Variants in PPP1R12A observed in about 807,000 individuals in gnomAD.
The protein encoded by PPP1R12A is protein phosphatase 1 regulatory subunit 12A, also known as myosin binding subunit.
A neutral mutation model predicts 139.6 loss-of-function variants in PPP1R12A; 19 were observed. The observed-to-expected ratio is 0.14, with a 90% CI of 0.09 to 0.20. The LOEUF (loss-of-function observed/expected upper bound fraction) is 0.20. Among genes scored for constraint, PPP1R12A ranks in the 10% least tolerant of loss-of-function variants. PPP1R12A has a pLI of 1.00. For missense variants in PPP1R12A, 925 were observed against 1,211.5 expected (o/e 0.76, Z 3.51); for synonymous variants, 427 against 420.6 (o/e 1.02, Z -0.19).
intron 2 of PPP1R12A, among the ~76,000 whole-genome samples, chr12:79,845,672 TA>T (rs1299363992): frequency 3.3e-5 from 5 of 152,040 alleles, no homozygotes. Context: ...CTGTCTCTAC[TA>T]AAAATACAAA....
intron 1 of PPP1R12A, among the ~76,000 whole-genome samples, chr12:79,910,548 T>TAA (rs5799446): frequency 0.16 from 24,498 of 149,824 alleles, 2,243 homozygotes; most frequent in Admixed American, 0.25. Flanking sequence ...ACTTTATTCT[T>TAA]AAAAAAAAAA....
chr12:79,928,573 TG>T (rs1888020502), intron 1 of PPP1R12A, among the ~76,000 whole-genome samples: 1 of 152,242 alleles, frequency 6.6e-6, no homozygotes, highest in African/African-American at 2.4e-5. Flanking sequence ...TATTTTACAC[TG>T]CACATTCTTT....
intron 5 of PPP1R12A, chr12:79,827,992 A>G (rs968743372): frequency 6.2e-6 from 1 of 161,798 alleles, no homozygotes; most frequent in African/African-American, 2.4e-5. Flanking sequence ...TTCACATAGG[A>G]ATGCAACGTT....
intron 1 of PPP1R12A, among the ~76,000 whole-genome samples, chr12:79,908,742 T>A (rs1396540480): frequency 6.6e-6 from 1 of 152,180 alleles, no homozygotes; most frequent in East Asian, 1.9e-4. Flanking sequence ...TGGTGTTAGA[T>A]TTTAGTCATT....
At chr12:79,832,804 A>ATT (rs200011991) in intron 3 of PPP1R12A, among the ~76,000 whole-genome samples, 3 of 150,126 alleles carry the variant, frequency 2.0e-5, no homozygotes, top group Admixed American at 6.7e-5. Context: ...TTTGGGCTAA[A>ATT]TTTTTTTTTT....
intron 20 of PPP1R12A, 89 bp downstream of exon 20, chr12:79,790,378 C>A: frequency 2.1e-6 from 2 of 952,604 alleles, no homozygotes; most frequent in South Asian, 2.3e-5. Context: ...ATTCTATAAA[C>A]TTACAAAATC....
chr12:79,917,834 G>A (rs1402279841), intron 1 of PPP1R12A, among the ~76,000 whole-genome samples: 3 of 152,122 alleles, frequency 2.0e-5, no homozygotes, highest in Non-Finnish European at 4.4e-5. Flanking sequence ...AGAGAAGTTA[G>A]AGATTGTTAA....
At chr12:79,845,871 C>T (rs963053088) in intron 2 of PPP1R12A, among the ~76,000 whole-genome samples, 5 of 10,526 alleles carry the variant, frequency 4.8e-4, no homozygotes, top group African/African-American at 6.5e-4. Context: ...CTATAATGTA[C>T]ACACGTTGCT....
At chr12:79,905,336 G>A (rs1176869368) in intron 1 of PPP1R12A, among the ~76,000 whole-genome samples, 1 of 47,040 alleles carries the variant, frequency 2.1e-5, no homozygotes, top group Non-Finnish European at 9.5e-5. Flanking sequence ...GTTTTGTTTT[G>A]CCGCCCCCCC....
intron 2 of PPP1R12A, among the ~76,000 whole-genome samples, chr12:79,855,055 C>A (rs143966616): frequency 1.2e-4 from 19 of 152,208 alleles, no homozygotes; most frequent in African/African-American, 4.1e-4. Flanking sequence ...ATGGCGCTAT[C>A]TCCGCTCACT....
At chr12:79,866,091 A>G (rs1881928677) in intron 2 of PPP1R12A, among the ~76,000 whole-genome samples, 1 of 152,198 alleles carries the variant, frequency 6.6e-6, no homozygotes, top group Non-Finnish European at 1.5e-5. Flanking sequence ...TACAGTAACC[A>G]AAACAGCATG....
intron 14 of PPP1R12A, among the ~76,000 whole-genome samples, chr12:79,802,810 G>A (rs938787269): frequency 1.3e-5 from 2 of 152,160 alleles, no homozygotes; most frequent in Non-Finnish European, 2.9e-5. Flanking sequence ...CAGATAGGGT[G>A]CATGCTATCA....
Position 79,935,042 on chromosome 12 carries a change from G to C in PPP1R12A, c.-111C>G. The C allele has an allele frequency of 2.1e-6, 3 of 1,416,080 alleles. No individual in the cohort carries two copies. Among genetic ancestry groups the C allele is most frequent in the Non-Finnish European group, 1.8e-6 (2 of 1,086,392 alleles). 87.7% of individuals were successfully genotyped at this position (1,416,080 alleles called of 1,614,324 possible). ...AATGTTTCTATGAGTGCGGGCCAGA[G>C]GAGGGCTGGGAACCCGGAGCCGACG... On this transcript the variant is annotated 5_prime_UTR_variant, in exon 1 of 25. Coordinates refer to ENST00000450142, the MANE Select transcript of PPP1R12A (RefSeq NM_002480.3).
At chr12:79,842,989 T>G (rs1878920122) in intron 3 of PPP1R12A, among the ~76,000 whole-genome samples, 1 of 152,210 alleles carries the variant, frequency 6.6e-6, no homozygotes, top group Non-Finnish European at 1.5e-5. Context: ...GCCATCATTC[T>G]ATTTTCTCTA....
At chr12:79,894,527 G>A (rs1433104865) in intron 1 of PPP1R12A, among the ~76,000 whole-genome samples, 1 of 151,756 alleles carries the variant, frequency 6.6e-6, no homozygotes, top group Non-Finnish European at 1.5e-5. Flanking sequence ...TATCATCCGA[G>A]GATTCATATT....
intron 2 of PPP1R12A, among the ~76,000 whole-genome samples, chr12:79,866,691 T>C (rs886261386): frequency 6.6e-6 from 1 of 152,146 alleles, no homozygotes; most frequent in African/African-American, 2.4e-5. Flanking sequence ...AAGAAGACAT[T>C]TATGCAGCCA....
At chr12:79,802,793 A>G (rs1044406451) in intron 14 of PPP1R12A, among the ~76,000 whole-genome samples, 2 of 152,196 alleles carry the variant, frequency 1.3e-5, no homozygotes, top group African/African-American at 4.8e-5. Flanking sequence ...AAAAGTTCAT[A>G]GCAAGACAGA....
At chr12:79,886,638 T>C (rs1340460656) in intron 1 of PPP1R12A, among the ~76,000 whole-genome samples, 1 of 152,138 alleles carries the variant, frequency 6.6e-6, no homozygotes, top group African/African-American at 2.4e-5. Flanking sequence ...TCACAATATA[T>C]ATTTGTTGAC....
chr12:79,843,864 C>T (rs1350130968), intron 3 of PPP1R12A, among the ~76,000 whole-genome samples: 2 of 151,608 alleles, frequency 1.3e-5, no homozygotes, highest in African/African-American at 4.8e-5. Context: ...ACCACCACGC[C>T]CAGCTAATTT....
Sources: allele counts gnomAD v4.1 joint callset (sites outside exome capture counted in the v4.1 genomes callset), GRCh38; gene constraint gnomAD v4.1.1; transcripts MANE v1.5; gene names NCBI Gene and HGNC (gene_info 2026-07-23, HGNC 2026-07-21).